The following CTNNA2 variants were observed in gnomAD, a reference collection of about 807,000 sequenced individuals.
CTNNA2 encodes the protein catenin alpha-2.
CTNNA2 carries 42 observed loss-of-function variants against 101.0 expected under a neutral mutation model. The observed-to-expected ratio is 0.42, with a 90% CI of 0.32 to 0.54. The LOEUF (loss-of-function observed/expected upper bound fraction) is 0.54, where lower values mean the gene tolerates loss of function less well. Among genes scored for constraint, CTNNA2 ranks in the 20% least tolerant of loss-of-function variants. The probability of loss-of-function intolerance (pLI) is 0.14; values close to 1 mark genes in which losing one functional copy is unlikely to be tolerated. For missense variants in CTNNA2, 871 were observed against 1,223.1 expected (o/e 0.71, Z 4.29); for synonymous variants, 450 against 456.4 (o/e 0.99, Z 0.18).
At chr2:79,422,082 G>C (rs969836071) in intron 4 of CTNNA2, among the ~76,000 whole-genome samples, 1 of 152,102 alleles carries the variant, frequency 6.6e-6, no homozygotes, top group African/African-American at 2.4e-5. Flanking sequence ...GAACCTGGGA[G>C]GGGGAGGTTG....
At chr2:79,578,163 C>A (rs1481016319) in intron 1 of CTNNA2, among the ~76,000 whole-genome samples, 1 of 152,094 alleles carries the variant, frequency 6.6e-6, no homozygotes, top group African/African-American at 2.4e-5. Flanking sequence ...ACTAGAAGTA[C>A]ATATTTGATT....
At chr2:79,407,322 A>C (rs1372441271) in intron 4 of CTNNA2, among the ~76,000 whole-genome samples, 1 of 152,090 alleles carries the variant, frequency 6.6e-6, no homozygotes, top group African/African-American at 2.4e-5. Flanking sequence ...TAAGTAACAT[A>C]CAATGTAGGG....
chr2:79,263,744 A>G (rs200994573), intron 2 of CTNNA2, among the ~76,000 whole-genome samples: 80 of 152,100 alleles, frequency 5.3e-4, no homozygotes, highest in African/African-American at 1.9e-3. Flanking sequence ...CCTTCTTGCT[A>G]TCTCACCATG....
rs1054425807 is a variant in CTNNA2 at position 80,574,051 on chromosome 2, T to C, written c.1742-112T>C. ...CTTCAAACTGGACAGATGAGTGTCT[T>C]GCTCCACTTAACTTTTAGAATGCCC... is the stretch of plus-strand genomic sequence containing the variant. On this transcript the variant is annotated intron_variant, in intron 12 of 18. Coordinates refer to ENST00000402739, the MANE Select transcript of CTNNA2 (RefSeq NM_001282597.3). 3 of 1,053,144 alleles carry C rather than the reference T, an allele frequency of 2.8e-6. No homozygotes were observed. In the African/African-American group the frequency reaches 4.7e-5, roughly 16 times the overall value. The allele number at this position is 1,053,144 out of a possible 1,614,324, so 65.2% of individuals were successfully genotyped here.
At chr2:80,016,707 T>G (rs1694176257) in intron 7 of CTNNA2, among the ~76,000 whole-genome samples, 1 of 152,126 alleles carries the variant, frequency 6.6e-6, no homozygotes, top group Non-Finnish European at 1.5e-5. Flanking sequence ...ACCAGGAACA[T>G]TTTTGTCTTT....
chr2:79,853,292 T>C (rs1680872273), intron 3 of CTNNA2, among the ~76,000 whole-genome samples: 1 of 152,142 alleles, frequency 6.6e-6, no homozygotes, highest in Non-Finnish European at 1.5e-5. Flanking sequence ...TAGCAGGGAC[T>C]ACCCTGGCAA....
chr2:80,051,617 A>G (rs149635587), intron 7 of CTNNA2, among the ~76,000 whole-genome samples: 5 of 152,318 alleles, frequency 3.3e-5, no homozygotes, highest in African/African-American at 1.2e-4. Context: ...AATTTGAAAA[A>G]CAGCAACAAT....
chr2:80,371,734 C>T (rs1284142570), intron 7 of CTNNA2, among the ~76,000 whole-genome samples: 1 of 152,108 alleles, frequency 6.6e-6, no homozygotes, highest in African/African-American at 2.4e-5. Flanking sequence ...CATGAAAGCA[C>T]AGTCTATTTG....
At chr2:80,272,993 T>G (rs879533216) in intron 7 of CTNNA2, among the ~76,000 whole-genome samples, 2 of 152,088 alleles carry the variant, frequency 1.3e-5, no homozygotes, top group Non-Finnish European at 2.9e-5. Context: ...GCGTGAAAGG[T>G]GGTTTATAAA....
chr2:79,949,635 C>T (rs1401126102), intron 7 of CTNNA2, among the ~76,000 whole-genome samples: 1 of 151,998 alleles, frequency 6.6e-6, no homozygotes, highest in East Asian at 1.9e-4. Flanking sequence ...TAAATTAGGC[C>T]AACATTGTGG....
intron 7 of CTNNA2, among the ~76,000 whole-genome samples, chr2:79,924,058 CA>C (rs1686856858): frequency 6.6e-6 from 1 of 152,152 alleles, no homozygotes; most frequent in South Asian, 2.1e-4. Flanking sequence ...GATGTGGAAG[CA>C]ACCCAAGTGT....
chr2:80,607,648 C>G (rs1698142742), intron 16 of CTNNA2, among the ~76,000 whole-genome samples: 1 of 151,860 alleles, frequency 6.6e-6, no homozygotes, highest in African/African-American at 2.4e-5. Context: ...ATGTTGCTTA[C>G]ATTTTGATAA....
intron 4 of CTNNA2, among the ~76,000 whole-genome samples, chr2:79,482,551 AT>A (rs1027853680): frequency 1.8e-4 from 27 of 151,032 alleles, no homozygotes; most frequent in South Asian, 2.1e-4. Context: ...CTCAGGTTAA[AT>A]TTTTTTTTTA....
At chr2:79,956,636 C>T (rs937066233) in intron 7 of CTNNA2, among the ~76,000 whole-genome samples, 1 of 152,074 alleles carries the variant, frequency 6.6e-6, no homozygotes, top group African/African-American at 2.4e-5. Context: ...TTATCGAACC[C>T]ATTTTTCTGA....
intron 3 of CTNNA2, among the ~76,000 whole-genome samples, chr2:79,834,869 C>A (rs1435833665): frequency 6.6e-6 from 1 of 151,964 alleles, no homozygotes; most frequent in African/African-American, 2.4e-5. Flanking sequence ...ACTTTTTACT[C>A]TTTGAATTAA....
chr2:79,298,418 A>G (rs1441453036), intron 2 of CTNNA2, among the ~76,000 whole-genome samples: 2 of 152,140 alleles, frequency 1.3e-5, no homozygotes, highest in South Asian at 4.1e-4. Flanking sequence ...TCAAATTTCA[A>G]CATGAGATTT....
intron 1 of CTNNA2, among the ~76,000 whole-genome samples, chr2:79,534,213 T>G (rs964590012): frequency 6.6e-6 from 1 of 152,174 alleles, no homozygotes; most frequent in Non-Finnish European, 1.5e-5. Flanking sequence ...GTTATCTATA[T>G]TTAATAATTA....
At chr2:79,488,154 T>C (rs528301750) in intron 4 of CTNNA2, among the ~76,000 whole-genome samples, 27 of 151,840 alleles carry the variant, frequency 1.8e-4, no homozygotes, top group Non-Finnish European at 3.1e-4. Flanking sequence ...CCCCCGTCTC[T>C]ACTAAAATAC....
intron 9 of CTNNA2, among the ~76,000 whole-genome samples, chr2:80,442,432 C>T (rs941004527): frequency 6.6e-6 from 1 of 152,188 alleles, no homozygotes; most frequent in Non-Finnish European, 1.5e-5. Context: ...CAGCCATGAG[C>T]CACTTAGCAA....
Sources: gnomAD v4.1 joint callset for allele counts (sites outside exome capture counted in the v4.1 genomes callset) on GRCh38, gnomAD v4.1.1 for gene constraint, MANE v1.5 for transcripts, NCBI Gene and HGNC (gene_info 2026-07-23, HGNC 2026-07-21) for gene names.